Variants in WWP2 observed in about 807,000 individuals in gnomAD.
The protein encoded by WWP2 is NEDD4-like E3 ubiquitin-protein ligase WWP2.
A neutral mutation model predicts 121.0 loss-of-function variants in WWP2; 57 were observed. The ratio of observed to expected loss-of-function variants is 0.47; its 90% CI spans 0.38 to 0.59. WWP2 has a LOEUF of 0.59. Among genes scored for constraint, WWP2 ranks in the 20% least tolerant of loss-of-function variants. The probability of loss-of-function intolerance (pLI) is 0.00; values close to 1 mark genes in which losing one functional copy is unlikely to be tolerated. For synonymous variants in WWP2, 449 were observed against 441.3 expected (o/e 1.02, Z -0.22); for missense variants, 962 against 1,158.9 (o/e 0.83, Z 2.47).
At chr16:69,813,068 G>A (rs989122274) in intron 4 of WWP2, among the ~76,000 whole-genome samples, 11 of 151,530 alleles carry the variant, frequency 7.3e-5, no homozygotes, top group African/African-American at 2.2e-4. Flanking sequence ...AGGGCTTTCC[G>A]TTTTCATGTA....
intron 6 of WWP2, among the ~76,000 whole-genome samples, chr16:69,847,963 C>CCT (rs2057117034): frequency 1.3e-5 from 2 of 152,134 alleles, no homozygotes; most frequent in African/African-American, 4.8e-5. Context: ...TGGAGCTGCT[C>CCT]CTCCTAGCAC....
chr16:69,860,179 G>A (rs763400618), intron 6 of WWP2, among the ~76,000 whole-genome samples: 5 of 152,058 alleles, frequency 3.3e-5, no homozygotes, highest in Non-Finnish European at 4.4e-5. Context: ...TTAGCCAGGC[G>A]TGGTGGTCCG....
At chr16:69,884,157 T>C (rs2057881599) in intron 7 of WWP2, among the ~76,000 whole-genome samples, 1 of 152,230 alleles carries the variant, frequency 6.6e-6, no homozygotes, top group African/African-American at 2.4e-5. Flanking sequence ...AACACACACA[T>C]GTGTATGCAC....
chr16:69,834,123 C>T (rs1435305977), intron 4 of WWP2, among the ~76,000 whole-genome samples: 1 of 152,224 alleles, frequency 6.6e-6, no homozygotes, highest in African/African-American at 2.4e-5. Flanking sequence ...GCTCAAAACC[C>T]TGTAACGGAG....
intron 4 of WWP2, among the ~76,000 whole-genome samples, chr16:69,834,690 C>A (rs1394840488): frequency 6.6e-6 from 1 of 151,270 alleles, no homozygotes; most frequent in Non-Finnish European, 1.5e-5. Context: ...CCACACCCAG[C>A]TCATGTTTTG....
At chr16:69,892,946 A>C (rs2058052118) in intron 8 of WWP2, among the ~76,000 whole-genome samples, 1 of 152,228 alleles carries the variant, frequency 6.6e-6, no homozygotes, top group Non-Finnish European at 1.5e-5. Context: ...ATAAGGCCTA[A>C]AAAGGCCTGT....
chr16:69,921,609 TG>T (rs2058563053), intron 10 of WWP2, among the ~76,000 whole-genome samples: 1 of 152,196 alleles, frequency 6.6e-6, no homozygotes, highest in South Asian at 2.1e-4. Flanking sequence ...GTGATCATCG[TG>T]TATCTTTTCG....
intron 2 of WWP2, among the ~76,000 whole-genome samples, chr16:69,793,964 GCT>G (rs2055971685): frequency 1.4e-5 from 2 of 141,434 alleles, no homozygotes; most frequent in South Asian, 4.4e-4. Context: ...TGTTACCCAG[GCT>G]GGAGTGCGTT....
intron 23 of WWP2, 141 bp downstream of exon 23, chr16:69,939,554 G>T: frequency 2.5e-6 from 2 of 789,598 alleles, no homozygotes. Flanking sequence ...GGAGAGATGG[G>T]GCTGTGATGG....
At chr16:69,881,536 A>T (rs1267410055) in intron 7 of WWP2, among the ~76,000 whole-genome samples, 1 of 152,242 alleles carries the variant, frequency 6.6e-6, no homozygotes, top group African/African-American at 2.4e-5. Flanking sequence ...GTAGTATACT[A>T]ATTATTATTT....
chr16:69,938,698 T>A (rs2058835384), intron 21 of WWP2, among the ~76,000 whole-genome samples: 1 of 152,106 alleles, frequency 6.6e-6, no homozygotes, highest in Non-Finnish European at 1.5e-5. Flanking sequence ...GAACATTTCA[T>A]CTCCCCAAAA....
intron 19 of WWP2, chr16:69,936,885 G>T: frequency 1.8e-6 from 1 of 548,196 alleles, no homozygotes. Flanking sequence ...CGGCGCTGGG[G>T]GCAGGAGCAG....
intron 8 of WWP2, among the ~76,000 whole-genome samples, chr16:69,893,565 G>GTTAGTT (rs2058063030): frequency 6.6e-6 from 1 of 152,090 alleles, no homozygotes; most frequent in East Asian, 1.9e-4. Flanking sequence ...TTTTTTGTTT[G>GTTAGTT]TTTGTTTTTG....
Position 69,798,721 on chromosome 16 carries a change from G to A in WWP2, c.110G>A (p.Arg37Gln), listed in dbSNP as rs143303340. The change falls in exon 3 of 24, where the codon CGA becomes CAA. Residue 37 changes from arginine to glutamine, a missense_variant. Around this residue, in one of 3 missense-constraint regions of WWP2, gnomAD observed 145 missense variants for 189.8 expected, o/e 0.76. Coordinates refer to ENST00000359154, the MANE Select transcript of WWP2 (RefSeq NM_001270454.2). ...CCCAAGGTGCATAATCGTCAACCTC[G>A]AATTAACTCCTACGTGGAGGTGGCG... is the stretch of plus-strand genomic sequence containing the variant. The part of the protein sequence containing the change: ...AKPKVHNRQP[R>Q]INSYVEVAVD... The A allele has an allele frequency of 7.4e-6, 12 of 1,614,002 alleles. No individual in the cohort carries two copies. The Admixed American group carries it at 8.3e-5, about 11-fold the overall frequency.
chr16:69,858,381 C>T (rs1391621298), intron 6 of WWP2, among the ~76,000 whole-genome samples: 1 of 152,118 alleles, frequency 6.6e-6, no homozygotes, highest in Non-Finnish European at 1.5e-5. Context: ...TAAATATTTG[C>T]TGAGCTGAAA....
chr16:69,874,287 T>C (rs547228257), intron 7 of WWP2, among the ~76,000 whole-genome samples: 11 of 152,296 alleles, frequency 7.2e-5, no homozygotes, highest in Non-Finnish European at 1.6e-4. Context: ...GCTCCCCTCT[T>C]CAGCAGCGCA....
chr16:69,839,572 G>T (rs965438753), intron 4 of WWP2, among the ~76,000 whole-genome samples: 1 of 152,104 alleles, frequency 6.6e-6, no homozygotes, highest in Non-Finnish European at 1.5e-5. Flanking sequence ...GGGCTGATTA[G>T]CCTGTATTGA....
chr16:69,801,276 G>T (rs551032288), intron 4 of WWP2, among the ~76,000 whole-genome samples: 4 of 150,962 alleles, frequency 2.6e-5, no homozygotes, highest in Non-Finnish European at 5.9e-5. Context: ...TTGTCACTCA[G>T]GCTGGAGTGC....
At chr16:69,906,521 T>C (rs923282990) in intron 8 of WWP2, among the ~76,000 whole-genome samples, 1 of 152,218 alleles carries the variant, frequency 6.6e-6, no homozygotes, top group Non-Finnish European at 1.5e-5. Flanking sequence ...TTAGGACTTT[T>C]TTCTTCATAT....
Sources: gnomAD v4.1 joint callset for allele counts (sites outside exome capture counted in the v4.1 genomes callset) on GRCh38, gnomAD v4.1.1 for gene constraint, gnomAD v4.1.1 regional missense constraint, MANE v1.5 for transcripts, NCBI Gene and HGNC (gene_info 2026-07-23, HGNC 2026-07-21) for gene names.